SPOCK3: variants seen among roughly 807,000 people sequenced by gnomAD.
SPOCK3 encodes testican-3.
SPOCK3 carries 30 observed loss-of-function variants against 56.6 expected under a neutral mutation model. The observed-to-expected ratio is 0.53, with a 90% CI of 0.40 to 0.72. SPOCK3 has a LOEUF of 0.72. Among genes scored for constraint, SPOCK3 ranks in the 30% least tolerant of loss-of-function variants. The pLI is 0.00. For synonymous variants in SPOCK3, 196 were observed against 183.3 expected (o/e 1.07, Z -0.56); for missense variants, 527 against 530.0 (o/e 0.99, Z 0.06).
chr4:166,850,999 T>C (rs1306400687), intron 6 of SPOCK3, among the ~76,000 whole-genome samples: 1 of 152,194 alleles, frequency 6.6e-6, no homozygotes, highest in Non-Finnish European at 1.5e-5. Flanking sequence ...CTCTGTAGGC[T>C]CCACCTCTGG....
chr4:166,883,090 A>G (rs1025338554), intron 6 of SPOCK3: 2 of 152,226 alleles, frequency 1.3e-5, no homozygotes, highest in Admixed American at 1.3e-4. Flanking sequence ...TTCAGAGGAT[A>G]TAAAAAAATT....
At chr4:166,747,014 T>C (rs1560814104) in intron 8 of SPOCK3, among the ~76,000 whole-genome samples, 1 of 152,064 alleles carries the variant, frequency 6.6e-6, no homozygotes, top group Non-Finnish European at 1.5e-5. Context: ...CCAAAAAAAG[T>C]CCAGGACCAG....
At chr4:167,079,700 G>A (rs1216371903) in intron 2 of SPOCK3, among the ~76,000 whole-genome samples, 2 of 152,022 alleles carry the variant, frequency 1.3e-5, no homozygotes, top group Non-Finnish European at 2.9e-5. Context: ...TCAGAATGTT[G>A]TTAATTACAG....
chr4:166,862,616 G>A (rs1201885616), intron 6 of SPOCK3, among the ~76,000 whole-genome samples: 1 of 151,926 alleles, frequency 6.6e-6, no homozygotes. Flanking sequence ...TAATCTTCCT[G>A]AGTAGCCATT....
At chr4:166,743,616 G>A (rs868528721) in intron 8 of SPOCK3, among the ~76,000 whole-genome samples, 3 of 152,198 alleles carry the variant, frequency 2.0e-5, no homozygotes, top group African/African-American at 2.4e-5. Flanking sequence ...GTCAGAAAAT[G>A]GGTGCAGCCC....
chr4:166,841,907 T>A (rs371325872), intron 6 of SPOCK3, among the ~76,000 whole-genome samples: 1 of 152,202 alleles, frequency 6.6e-6, no homozygotes, highest in Non-Finnish European at 1.5e-5. Context: ...GTGTTACAGT[T>A]TTTAAAGATG....
At chr4:166,897,608 G>A (rs1175413582) in intron 5 of SPOCK3, among the ~76,000 whole-genome samples, 1 of 152,128 alleles carries the variant, frequency 6.6e-6, no homozygotes, top group South Asian at 2.1e-4. Flanking sequence ...CAAAGATTAT[G>A]CTGCCCGTGC....
At chr4:167,048,941 A>G (rs1753953094) in intron 3 of SPOCK3, among the ~76,000 whole-genome samples, 1 of 152,214 alleles carries the variant, frequency 6.6e-6, no homozygotes, top group African/African-American at 2.4e-5. Flanking sequence ...TGGTTGAACC[A>G]TAAAAAGATA....
chr4:166,808,541 C>T (rs1743421961), intron 6 of SPOCK3, among the ~76,000 whole-genome samples: 2 of 152,124 alleles, frequency 1.3e-5, no homozygotes, highest in Admixed American at 6.6e-5. Context: ...CAAACTCCCT[C>T]ATGCTGCCTT....
intron 4 of SPOCK3, among the ~76,000 whole-genome samples, chr4:166,944,829 G>A (rs13114933): frequency 0.16 from 24,090 of 151,910 alleles, 2,747 homozygotes; most frequent in African/African-American, 0.33. Flanking sequence ...TTCCCTCTGT[G>A]GTTCAAAAGT....
chr4:166,738,272 C>G (rs1734427882), intron 9 of SPOCK3, among the ~76,000 whole-genome samples: 1 of 151,816 alleles, frequency 6.6e-6, no homozygotes, highest in African/African-American at 2.4e-5. Flanking sequence ...TCCTTGCATA[C>G]TTTCACCACT....
intron 4 of SPOCK3, among the ~76,000 whole-genome samples, chr4:166,930,533 T>C (rs553243796): frequency 6.6e-6 from 1 of 152,200 alleles, no homozygotes; most frequent in African/African-American, 2.4e-5. Flanking sequence ...GGACAACTCT[T>C]TAATAATTCT....
intron 3 of SPOCK3, among the ~76,000 whole-genome samples, chr4:167,041,552 T>G (rs980040930): frequency 6.6e-6 from 1 of 151,930 alleles, no homozygotes; most frequent in African/African-American, 2.4e-5. Context: ...ACAATCCTAC[T>G]CCCCCTACAA....
At chr4:166,946,682 A>G (rs1385048453) in intron 4 of SPOCK3, among the ~76,000 whole-genome samples, 1 of 151,868 alleles carries the variant, frequency 6.6e-6, no homozygotes, top group Non-Finnish European at 1.5e-5. Flanking sequence ...CCCCTACTCT[A>G]CATTTTGTAT....
intron 2 of SPOCK3, among the ~76,000 whole-genome samples, chr4:167,166,393 A>G (rs1192422425): frequency 6.6e-6 from 1 of 152,032 alleles, no homozygotes; most frequent in Non-Finnish European, 1.5e-5. Context: ...TTCCTGAAGT[A>G]GTTGACAGCC....
chr4:166,956,001 T>C (rs1038728887), intron 4 of SPOCK3, among the ~76,000 whole-genome samples: 1 of 152,110 alleles, frequency 6.6e-6, no homozygotes, highest in African/African-American at 2.4e-5. Flanking sequence ...CCTGGTACAT[T>C]GTCACTAACT....
At chr4:167,094,597 A>G (rs1487386976) in intron 2 of SPOCK3, among the ~76,000 whole-genome samples, 2 of 152,276 alleles carry the variant, frequency 1.3e-5, no homozygotes, top group African/African-American at 2.4e-5. Context: ...TTTGCTCATT[A>G]TGAGCAAACT....
chr4:167,110,549 T>C (rs1350224924), intron 2 of SPOCK3, among the ~76,000 whole-genome samples: 1 of 151,968 alleles, frequency 6.6e-6, no homozygotes, highest in Non-Finnish European at 1.5e-5. Context: ...GAAAGATCAA[T>C]GAACCAAAGA....
chr4:166,794,470 G>C (rs1027178548), intron 6 of SPOCK3, among the ~76,000 whole-genome samples: 1 of 152,094 alleles, frequency 6.6e-6, no homozygotes, highest in African/African-American at 2.4e-5. Flanking sequence ...AGTGGTGTGA[G>C]AGAGTTTTAT....
Sources: allele counts gnomAD v4.1 joint callset (sites outside exome capture counted in the v4.1 genomes callset), GRCh38; gene constraint gnomAD v4.1.1; transcripts MANE v1.5; gene names NCBI Gene and HGNC (gene_info 2026-07-23, HGNC 2026-07-21).